The following RGL2 variants were observed in gnomAD, a reference collection of about 807,000 sequenced individuals.
The protein encoded by RGL2 is ral guanine nucleotide dissociation stimulator like 2, also known as ral guanine nucleotide dissociation stimulator-like 2.
RGL2 carries 40 observed loss-of-function variants against 84.6 expected under a neutral mutation model. The observed-to-expected ratio is 0.47, with a 90% CI of 0.37 to 0.62. The LOEUF is 0.62. RGL2 is among the 20% of genes least tolerant of loss of function. The probability of loss-of-function intolerance (pLI) is 0.00; values close to 1 mark genes in which losing one functional copy is unlikely to be tolerated. For synonymous variants in RGL2, 369 were observed against 417.3 expected, an observed-to-expected ratio of 0.88 and a Z score of 1.41; for missense variants, 865 against 1,019.7, an observed-to-expected ratio of 0.85 and a Z score of 2.07.
chr6:33,296,004 A>G lies in RGL2; in HGVS notation c.768+24T>C. 2.5e-6 allele frequency: 4 copies of G among 1,613,190 alleles called. No individual in the cohort carries two copies. In the South Asian group the frequency reaches 3.3e-5, roughly 13 times the overall value. The stretch of plus-strand genomic sequence containing the variant: ...AGGTTAGTAAGGGGTCAGGGGGCAT[A>G]GGGGCCAGAGGTCAGGGTCTCACCG... On this transcript the variant is annotated intron_variant, in intron 6 of 17. Coordinates refer to ENST00000497454, the MANE Select transcript of RGL2 (RefSeq NM_004761.5). The surrounding 1 kb of genome is among the most constrained non-coding windows in gnomAD (Gnocchi z 5.0).
At chr6:33,292,357 C>G (rs765496633) in intron 17 of RGL2, 44 bp from the exon 18 acceptor site, 1 of 1,607,172 alleles carries the variant, frequency 6.2e-7, no homozygotes, top group African/African-American at 1.3e-5. Context: ...CACAGTTGTT[C>G]CCCCCACAGC....
In RGL2 at chr6:33,293,584, C is replaced by A. The variant is rs375642045; in HGVS notation, c.1604+20G>T. On this transcript the variant is annotated intron_variant, in intron 14 of 17. Coordinates refer to ENST00000497454, the MANE Select transcript of RGL2 (RefSeq NM_004761.5). The surrounding 1 kb of genome is among the most constrained non-coding windows in gnomAD (Gnocchi z 7.0). The stretch of plus-strand genomic sequence containing the variant: ...AGTGGAAGTCCCAAGAAACCACCCC[C>A]CAGCCAGTGAATCTCTCACTCTGTC... The A allele has an allele frequency of 1.1e-4, 174 of 1,613,300 alleles. 1 individual carries two copies. The African/African-American group carries it at 1.6e-3, about 14-fold the overall frequency.
Position 33,291,829 on chromosome 6 carries a change from C to G in RGL2, c.*273G>C. The stretch of plus-strand genomic sequence containing the variant: ...TGCATGTTAGGATATGGCCAAGAAT[C>G]AGAAACTGATGCGTTTTTCCAGCAC... On this transcript the variant is annotated 3_prime_UTR_variant, in exon 18 of 18. Coordinates refer to ENST00000497454, the MANE Select transcript of RGL2 (RefSeq NM_004761.5). 1.7e-6 allele frequency: 1 copy of G among 583,294 alleles called. No individual in the cohort carries two copies. The highest frequency in any genetic ancestry group is 3.0e-6 in the Non-Finnish European group (1 of 329,218). 36.1% of individuals were successfully genotyped at this position (583,294 alleles called of 1,614,324 possible).
chr6:33,295,351 G>T lies in RGL2; in HGVS notation c.1092C>A (p.His364Gln). Residue 364 changes from histidine to glutamine, a missense_variant, in exon 8 of 18, where the codon CAC (histidine) becomes CAA (glutamine). Physicochemically the swap from His to Gln is conservative, Grantham distance 24. This residue lies in a region of RGL2 where 455 missense variants were observed against 507.8 expected (regional missense o/e 0.90). Transcript: ENST00000497454. The surrounding 1 kb of genome is among the most constrained non-coding windows in gnomAD (Gnocchi z 7.2). ...VVSALQSSPI[H>Q]RLRAAWGEAT... ...CTTCCCCCCAGGCTGCCCGAAGCCT[G>T]TGGATGGGGCTGGACTGCAGGGCTG... The T allele has an allele frequency of 6.3e-7, 1 of 1,596,982 alleles. No homozygotes were observed.
chr6:33,296,541 C>A lies in RGL2; in HGVS notation c.419+57G>T. On this transcript the variant is annotated intron_variant, in intron 4 of 17. Coordinates refer to ENST00000497454, the MANE Select transcript of RGL2 (RefSeq NM_004761.5). The surrounding 1 kb of genome is among the most constrained non-coding windows in gnomAD (Gnocchi z 5.0). ...CTTTGACTATTTTGGTGGGATGTTG[C>A]GGCTTTAGGAAATCCGGGCAGATAC... 2 of 1,584,442 alleles carry A rather than the reference C, an allele frequency of 1.3e-6. No homozygotes were observed. Among genetic ancestry groups the A allele is most frequent in the South Asian group, 1.2e-5 (1 of 86,650 alleles).
chr6:33,295,314 C>A lies in RGL2; in HGVS notation c.1124+5G>T, dbSNP rs202209794. The A allele has an allele frequency of 3.8e-6, 6 of 1,567,394 alleles. No homozygotes were observed. The African/African-American group carries it at 4.1e-5, about 11-fold the overall frequency. On this transcript the variant is annotated splice_donor_5th_base_variant and intron_variant, in intron 8 of 17. Transcript: ENST00000497454. The surrounding 1 kb of genome is among the most constrained non-coding windows in gnomAD (Gnocchi z 7.2). ...CACCCCAGTCCAATGCCTCAGCCTC[C>A]GCACCTGGTTGCTTCCCCCCAGGCT... is the stretch of plus-strand genomic sequence containing the variant.
At position 33,292,188 on chromosome 6, in the gene RGL2, A is replaced by G. The variant is rs1342571982; in HGVS notation, c.2248T>C (p.Ser750Pro). 6.2e-7 allele frequency: 1 copy of G among 1,614,158 alleles called. No individual in the cohort carries two copies. Among genetic ancestry groups the G allele is most frequent in the Non-Finnish European group, 8.5e-7 (1 of 1,180,026 alleles). Residue 750 changes from serine to proline, a missense_variant, in exon 18 of 18, where the codon TCA becomes CCA. Physicochemically the swap from Ser to Pro is moderately conservative, Grantham distance 74. This residue lies in a region of RGL2 where 302 missense variants were observed against 327.9 expected (regional missense o/e 0.92). Coordinates refer to ENST00000497454, the MANE Select transcript of RGL2 (RefSeq NM_004761.5). Reference protein sequence around the residue: ...TPGVTSGPSASGTPPSEGGGG... With the variant: ...TPGVTSGPSAPGTPPSEGGGG... The stretch of plus-strand genomic sequence containing the variant: ...CCTCCCTCACTCGGAGGAGTTCCTG[A>G]GGCAGACGGGCCACTGGTGACGCCA...
In RGL2 at chr6:33,296,426, T is replaced by C. The variant is rs1767964978; in HGVS notation, c.458A>G (p.Glu153Gly). Residue 153 changes from glutamate (E) to glycine (G), a missense_variant, in exon 5 of 18, where the codon GAG becomes GGG. Physicochemically the swap from Glu to Gly is moderately conservative, Grantham distance 98. This residue lies in a region of RGL2 where 455 missense variants were observed against 507.8 expected (regional missense o/e 0.90). Coordinates refer to ENST00000497454, the MANE Select transcript of RGL2 (RefSeq NM_004761.5). This position sits in a 1 kb window ranked among gnomAD's most constrained non-coding sequence, Gnocchi z 5.0. ...AGGGGTCACTCACTCTGTTGTCCTCTCTAGTTCGTCGGTAGGATGAGATTC... is the reference window on the plus strand; with the variant it reads ...AGGGGTCACTCACTCTGTTGTCCTCCCTAGTTCGTCGGTAGGATGAGATTC... ...ALESHPTDELERTTEVAISVL... is the reference protein window; with the variant it reads ...ALESHPTDELGRTTEVAISVL... 1.9e-6 allele frequency: 3 copies of C among 1,611,332 alleles called. No individual in the cohort carries two copies. Among genetic ancestry groups the C allele is most frequent in the Non-Finnish European group, 2.5e-6 (3 of 1,178,530 alleles).
chr6:33,294,629 G>A lies in RGL2; in HGVS notation c.1353+59C>T. The stretch of plus-strand genomic sequence containing the variant: ...CCCCTTGCAAGGGGCGGGGGGGTCT[G>A]TCCGACCCTGCAGCCCACTTGTTAC... On this transcript the variant is annotated intron_variant, in intron 11 of 17. Transcript: ENST00000497454. The surrounding 1 kb of genome is among the most constrained non-coding windows in gnomAD (Gnocchi z 5.0). 6.3e-7 allele frequency: 1 copy of A among 1,592,906 alleles called. No homozygotes were observed.
chr6:33,294,702 T>G lies in RGL2; in HGVS notation c.1339A>C (p.Lys447Gln). ...KDLVMLDAAS[K>Q]DELENGYINF... ...ACACCACTGACCTCCAACTCATCCT[T>G]GGAGGCTGCATCCAGCATCACAAGG... Residue 447 changes from lysine (K) to glutamine (Q), a missense_variant, in exon 11 of 18, where the codon AAG becomes CAG. By Grantham distance (53) the Lys-to-Gln change is moderately conservative (BLOSUM62 1). Coordinates refer to ENST00000497454, the MANE Select transcript of RGL2 (RefSeq NM_004761.5). This position sits in a 1 kb window ranked among gnomAD's most constrained non-coding sequence, Gnocchi z 5.0. 6.2e-7 allele frequency: 1 copy of G among 1,614,040 alleles called. No individual in the cohort carries two copies. Among genetic ancestry groups the G allele is most frequent in the Non-Finnish European group, 8.5e-7 (1 of 1,180,020 alleles).
rs769980056 is a variant in RGL2 at position 33,294,030 on chromosome 6, T to A, written c.1386+4A>T. On this transcript the variant is annotated splice_donor_region_variant and intron_variant, in intron 12 of 17. Transcript: ENST00000497454. The surrounding 1 kb of genome is among the most constrained non-coding windows in gnomAD (Gnocchi z 5.0). ...CCAGCATCCAGCCCAGACACTCCGC[T>A]CACCTTCCTCCGCTTGTCAAAATTG... 6.2e-7 allele frequency: 1 copy of A among 1,613,644 alleles called. No individual in the cohort carries two copies. The highest frequency in any genetic ancestry group is 8.5e-7 in the Non-Finnish European group (1 of 1,179,858).
At position 33,295,797 on chromosome 6, in the gene RGL2, A is replaced by G; in HGVS notation, c.769-38T>C. 1 of 1,591,832 alleles carries G rather than the reference A, an allele frequency of 6.3e-7. No individual in the cohort carries two copies. Among genetic ancestry groups the G allele is most frequent in the Non-Finnish European group, 8.6e-7 (1 of 1,165,724 alleles). ...GGTCAGAGGTTAAAGTTCATAGTCA[A>G]GTGAGGTCAGCCTTCCAATATCAGG... On this transcript the variant is annotated intron_variant, in intron 6 of 17. Transcript: ENST00000497454. The surrounding 1 kb of genome is among the most constrained non-coding windows in gnomAD (Gnocchi z 7.2).
In RGL2 at chr6:33,296,589, G is replaced by A; in HGVS notation, c.419+9C>T. The stretch of plus-strand genomic sequence containing the variant: ...TACTCCACTACCCTGCGTCCCTTAT[G>A]ACTCTGACCTGTCAGCCATAAGCCC... On this transcript the variant is annotated intron_variant, in intron 4 of 17. Transcript: ENST00000497454. The surrounding 1 kb of genome is among the most constrained non-coding windows in gnomAD (Gnocchi z 5.0). 2 of 1,610,810 alleles carry A rather than the reference G, an allele frequency of 1.2e-6. No individual in the cohort carries two copies. The highest frequency in any genetic ancestry group is 1.7e-6 in the Non-Finnish European group (2 of 1,178,310).
In RGL2 at chr6:33,294,972, C is replaced by G; in HGVS notation, c.1278+5G>C. On this transcript the variant is annotated splice_donor_5th_base_variant and intron_variant, in intron 10 of 17. Transcript: ENST00000497454. This position sits in a 1 kb window ranked among gnomAD's most constrained non-coding sequence, Gnocchi z 5.0. ...CCCACGCCCACCACCCCGCTAGTCA[C>G]TCACCCCACCCCGGGAGCCAGACCT... 6.4e-7 allele frequency: 1 copy of G among 1,571,744 alleles called. No homozygotes were observed. Among genetic ancestry groups the G allele is most frequent in the Non-Finnish European group, 8.6e-7 (1 of 1,158,482 alleles).
chr6:33,293,699 G>C lies in RGL2; in HGVS notation c.1509C>G (p.Ser503Arg), dbSNP rs1295949742. The C allele has an allele frequency of 6.2e-7, 1 of 1,613,930 alleles. No homozygotes were observed. The highest frequency in any genetic ancestry group is 1.3e-5 in the African/African-American group (1 of 74,902). The change falls in exon 14 of 18, where the codon AGC becomes AGG. Residue 503 changes from serine to arginine, a missense_variant and splice_region_variant. Transcript: ENST00000497454. This position sits in a 1 kb window ranked among gnomAD's most constrained non-coding sequence, Gnocchi z 7.0. ...GCTCCACCTCACAGGATACACGATGGCTGGGTTAGGGGGGCAATAGGCAGA... is the reference window on the plus strand; with the variant it reads ...GCTCCACCTCACAGGATACACGATGCCTGGGTTAGGGGGGCAATAGGCAGA... Reference protein sequence around the residue: ...QGLRPLTEAQSHRVSCEVEPP... With the variant: ...QGLRPLTEAQRHRVSCEVEPP...
At position 33,298,157 on chromosome 6, in the gene RGL2, A is replaced by G. The variant is rs145329231; in HGVS notation, c.156+298T>C. 0.011 allele frequency: 3,386 copies of G among 312,336 alleles called. 50 individuals carry two copies. Among genetic ancestry groups the G allele is most frequent in the Middle Eastern group, 0.046 (53 of 1,146 alleles). 19.3% of individuals were successfully genotyped at this position (312,336 alleles called of 1,614,324 possible). ...GACAGGGACCAAGACACGACTGCTCAGAGAGGTAGGCACACTCAGGCAGGC... is the reference window on the plus strand; with the variant it reads ...GACAGGGACCAAGACACGACTGCTCGGAGAGGTAGGCACACTCAGGCAGGC... On this transcript the variant is annotated intron_variant, in intron 2 of 17. Transcript: ENST00000497454. The surrounding 1 kb of genome is among the most constrained non-coding windows in gnomAD (Gnocchi z 4.8).
Position 33,293,982 on chromosome 6 carries a change from TC to T in RGL2, c.1386+51del. On this transcript the variant is annotated intron_variant, in intron 12 of 17. Coordinates refer to ENST00000497454, the MANE Select transcript of RGL2 (RefSeq NM_004761.5). This position sits in a 1 kb window ranked among gnomAD's most constrained non-coding sequence, Gnocchi z 7.0. ...GACCCCTGACTTTTCCCCCTCCCCT[TC>T]CTGGAACATGGATAGGGAAGTCCAG... The T allele has an allele frequency of 1.9e-6, 3 of 1,613,924 alleles. No individual in the cohort carries two copies. The highest frequency in any genetic ancestry group is 2.5e-6 in the Non-Finnish European group (3 of 1,179,988).
chr6:33,296,749 G>C lies in RGL2; in HGVS notation c.268C>G (p.Arg90Gly), dbSNP rs374451112. The change falls in exon 4 of 18, where the codon CGA (arginine) becomes GGA (glycine). Residue 90 changes from arginine (R) to glycine (G), a missense_variant. Around this residue, in one of 5 missense-constraint regions of RGL2, gnomAD observed 455 missense variants for 507.8 expected, o/e 0.90. Coordinates refer to ENST00000497454, the MANE Select transcript of RGL2 (RefSeq NM_004761.5). The surrounding 1 kb of genome is among the most constrained non-coding windows in gnomAD (Gnocchi z 5.0). Reference sequence around the variant, plus strand: ...TCCAGAGTGCCAGCTCGGAGCCGTCGGGAGGAACGTGGGGGAGGCATAGGG... The same window carrying C: ...TCCAGAGTGCCAGCTCGGAGCCGTCCGGAGGAACGTGGGGGAGGCATAGGG... ...LVPMPPPRSS[R>G]RLRAGTLEAL... The C allele has an allele frequency of 1.2e-6, 2 of 1,613,896 alleles. No homozygotes were observed. Among genetic ancestry groups the C allele is most frequent in the Non-Finnish European group, 1.7e-6 (2 of 1,180,020 alleles).
intron 16 of RGL2, 64 bp downstream of exon 16, chr6:33,292,952 G>T: frequency 3.1e-6 from 5 of 1,593,752 alleles, no homozygotes; most frequent in Non-Finnish European, 4.3e-6. Context: ...CCAAACCTCA[G>T]ACAACATTTA....
Sources: allele counts gnomAD v4.1 joint callset, GRCh38; gene constraint gnomAD v4.1.1; regional missense constraint gnomAD v4.1.1; non-coding constraint Gnocchi (gnomAD v3.1); transcripts MANE v1.5; gene names NCBI Gene and HGNC (gene_info 2026-07-23, HGNC 2026-07-21).